RGS12: variants seen among roughly 807,000 people sequenced by gnomAD.
RGS12 encodes the protein regulator of G-protein signaling 12.
A neutral mutation model predicts 120.1 loss-of-function variants in RGS12; 66 were observed. That is an observed-to-expected ratio of 0.55 (90% confidence interval 0.45 to 0.67). RGS12 has a LOEUF of 0.67. Among genes scored for constraint, RGS12 ranks in the 30% least tolerant of loss-of-function variants. RGS12 has a pLI of 0.00. For missense variants in RGS12, 1,859 were observed against 1,957.7 expected, an observed-to-expected ratio of 0.95 and a Z score of 0.95; for synonymous variants, 827 against 804.7, an observed-to-expected ratio of 1.03 and a Z score of -0.47.
intron 2 of RGS12, among the ~76,000 whole-genome samples, chr4:3,328,342 G>A (rs576969683): frequency 6.6e-6 from 1 of 152,328 alleles, no homozygotes; most frequent in East Asian, 1.9e-4. Context: ...GCACTGTGCA[G>A]TCTATGCATG....
rs1177730281 is a variant in RGS12 at position 3,433,980 on chromosome 4, C to T, written c.4114+3025C>T. ...GGCCTCAAGCGGGAGAAGTGTCAGG[C>T]CCCTCGTGAGGCTCCAGGGCACGCT... is the stretch of plus-strand genomic sequence containing the variant. On this transcript the variant is annotated intron_variant, in intron 17 of 17. Coordinates refer to ENST00000336727, the MANE Select transcript of RGS12 (RefSeq NM_001394154.1). The surrounding 1 kb of genome is among the most constrained non-coding windows in gnomAD (Gnocchi z 4.4). Among the ~76,000 whole-genome samples the T allele has an allele frequency of 2.6e-5, 4 of 152,266 alleles. No individual in the cohort carries two copies. The highest frequency in any genetic ancestry group is 5.9e-5 in the Non-Finnish European group (4 of 68,044).
intron 17 of RGS12, among the ~76,000 whole-genome samples, chr4:3,436,292 G>A (rs921358517): frequency 2.0e-5 from 3 of 152,142 alleles, no homozygotes; most frequent in African/African-American, 7.2e-5. Flanking sequence ...TAGGGTCCCC[G>A]CCTCTGGCTC....
At chr4:3,310,208 C>T (rs60424741) in intron 1 of RGS12, among the ~76,000 whole-genome samples, 152 of 40,292 alleles carry the variant, frequency 3.8e-3, no homozygotes, top group East Asian at 0.017. Flanking sequence ...GGCAGGTGTC[C>T]GCTGAGGGGA....
In RGS12 at chr4:3,315,109, G is replaced by A. The variant is rs1224967259; in HGVS notation, c.-101-961G>A. ...TGCACATGCGTTGTCACGGCTCACT[G>A]TGTAGGGAGTTAAGTGCGTCCTGCG... On this transcript the variant is annotated intron_variant, in intron 1 of 17. Transcript: ENST00000336727. Among the ~76,000 whole-genome samples, 3 of 152,258 alleles carry A rather than the reference G, an allele frequency of 2.0e-5. No homozygotes were observed. In the East Asian group the frequency reaches 5.8e-4, roughly 29 times the overall value.
rs1379875279 is a variant in RGS12, at chr4:3,389,782, G to C, written c.2020+3345G>C. Among the ~76,000 whole-genome samples, 1 of 152,152 alleles carries C rather than the reference G, an allele frequency of 6.6e-6. No individual in the cohort carries two copies. Among genetic ancestry groups the C allele is most frequent in the Non-Finnish European group, 1.5e-5 (1 of 68,012 alleles). On this transcript the variant is annotated intron_variant, in intron 4 of 17. Transcript: ENST00000336727. This position sits in a 1 kb window ranked among gnomAD's most constrained non-coding sequence, Gnocchi z 5.2. Reference sequence around the variant, plus strand: ...GGGGAACTGTGCGGCTCTGGCTTTGGGGGACGGTGGCAGGTCCACATGACA... The same window carrying C: ...GGGGAACTGTGCGGCTCTGGCTTTGCGGGACGGTGGCAGGTCCACATGACA...
At chr4:3,391,215 G>A (rs1389562267) in intron 4 of RGS12, among the ~76,000 whole-genome samples, 1 of 152,192 alleles carries the variant, frequency 6.6e-6, no homozygotes. Flanking sequence ...TATTTGTAGG[G>A]TGTGGAATAC....
chr4:3,311,781 T>C (rs1057339315), intron 1 of RGS12, among the ~76,000 whole-genome samples: 1 of 152,222 alleles, frequency 6.6e-6, no homozygotes, highest in Non-Finnish European at 1.5e-5. Flanking sequence ...TATACAGATG[T>C]TCCGAATCAG....
At chr4:3,322,880 C>T (rs899339450) in intron 2 of RGS12, among the ~76,000 whole-genome samples, 1 of 152,168 alleles carries the variant, frequency 6.6e-6, no homozygotes, top group African/African-American at 2.4e-5. Context: ...TTGAGGACTG[C>T]TGCCCGCAGA....
At chr4:3,345,970 A>G (rs368446931) in intron 3 of RGS12, among the ~76,000 whole-genome samples, 136 of 152,168 alleles carry the variant, frequency 8.9e-4, no homozygotes, top group African/African-American at 3.1e-3. Flanking sequence ...TTGCCCGGGC[A>G]GATCTTGAAT....
intron 3 of RGS12, among the ~76,000 whole-genome samples, chr4:3,368,793 CA>C (rs1716660294): frequency 6.6e-6 from 1 of 150,388 alleles, no homozygotes; most frequent in Admixed American, 6.7e-5. Flanking sequence ...GACGGGAAGG[CA>C]GGGGACGAGG....
intron 17 of RGS12, among the ~76,000 whole-genome samples, chr4:3,438,153 C>T (rs1247626707): frequency 1.3e-5 from 2 of 152,264 alleles, no homozygotes; most frequent in African/African-American, 2.4e-5. Flanking sequence ...CTTCCTGCCT[C>T]CTGTCTGCTG....
intron 2 of RGS12, among the ~76,000 whole-genome samples, chr4:3,331,613 TA>T (rs554902197): frequency 2.0e-3 from 283 of 140,882 alleles, no homozygotes; most frequent in South Asian, 2.3e-3. Flanking sequence ...AAATAGATTG[TA>T]AAAAAAAAAA....
intron 4 of RGS12, among the ~76,000 whole-genome samples, chr4:3,387,799 G>C (rs891059986): frequency 3.9e-5 from 6 of 152,162 alleles, no homozygotes; most frequent in Admixed American, 3.3e-4. Flanking sequence ...TTCATTTCTT[G>C]CAGGCAATTT....
At chr4:3,414,866 G>T (rs777247433) in intron 6 of RGS12, 22 bp downstream of exon 6, 8 of 1,568,944 alleles carry the variant, frequency 5.1e-6, no homozygotes, top group Middle Eastern at 1.7e-4. Flanking sequence ...CTTGGGAAGT[G>T]GGGGCTGTGT....
At chr4:3,309,606 A>G (rs1484392641) in intron 1 of RGS12, among the ~76,000 whole-genome samples, 14 of 122,530 alleles carry the variant, frequency 1.1e-4, no homozygotes, top group South Asian at 3.0e-4. Flanking sequence ...AGGAGCTGGG[A>G]CCTGGGAATG....
chr4:3,434,691 CGA>C (rs1724643436), intron 17 of RGS12, among the ~76,000 whole-genome samples: 1 of 152,216 alleles, frequency 6.6e-6, no homozygotes, highest in Non-Finnish European at 1.5e-5. Flanking sequence ...CACCCACACC[CGA>C]GTTTCCAATG....
At position 3,423,035 on chromosome 4, in the gene RGS12, C is replaced by T. The variant is rs749816320; in HGVS notation, c.3107+57C>T. The T allele has an allele frequency of 4.4e-5, 62 of 1,405,612 alleles. 1 individual carries two copies. The highest frequency in any genetic ancestry group is 6.0e-5 in the Non-Finnish European group (60 of 993,598). 87.1% of individuals were successfully genotyped at this position (1,405,612 alleles called of 1,614,324 possible). ...GCTCCCAGAGCCAACCCCGTGTGCCCACCACCTGCTGGTCTCTGCGCTTAG... is the reference window on the plus strand; with the variant it reads ...GCTCCCAGAGCCAACCCCGTGTGCCTACCACCTGCTGGTCTCTGCGCTTAG... On this transcript the variant is annotated intron_variant, in intron 12 of 17. Transcript: ENST00000336727.
intron 3 of RGS12, among the ~76,000 whole-genome samples, chr4:3,344,985 AG>A (rs1032576307): frequency 7.9e-5 from 12 of 152,244 alleles, no homozygotes; most frequent in African/African-American, 2.9e-4. Context: ...ACACGGAGGA[AG>A]GCTCTCTGTA....
rs150593377 is a variant in RGS12, at chr4:3,317,080, G to A, written c.910G>A (p.Val304Met). ...YPAEKLAFSA[V>M]CPDDRRFFGL... ...GGCCGAGAAGCTGGCCTTCAGCGCC[G>A]TGTGCCCGGACGACCGGCGATTTTT... is the stretch of plus-strand genomic sequence containing the variant. Residue 304 changes from valine (V) to methionine (M), a missense_variant, in exon 2 of 18, where the codon GTG (valine) becomes ATG (methionine). Around this residue, in one of 3 missense-constraint regions of RGS12, gnomAD observed 967 missense variants for 994.2 expected, o/e 0.97. Coordinates refer to ENST00000336727, the MANE Select transcript of RGS12 (RefSeq NM_001394154.1). The A allele has an allele frequency of 3.5e-5, 57 of 1,613,602 alleles. No individual in the cohort carries two copies. Among genetic ancestry groups the A allele is most frequent in the East Asian group, 6.7e-5 (3 of 44,900 alleles).
Sources: gnomAD v4.1 joint callset for allele counts (sites outside exome capture counted in the v4.1 genomes callset) on GRCh38, gnomAD v4.1.1 for gene constraint, gnomAD v4.1.1 regional missense constraint, Gnocchi (gnomAD v3.1) non-coding constraint, MANE v1.5 for transcripts, NCBI Gene and HGNC (gene_info 2026-07-23, HGNC 2026-07-21) for gene names.